ACAP2: variants seen among roughly 807,000 people sequenced by gnomAD.
ACAP2 encodes the protein arf-GAP with coiled-coil, ANK repeat and PH domain-containing protein 2.
Under a neutral mutation model 115.8 loss-of-function variants are expected in ACAP2, and 39 were observed. The ratio of observed to expected loss-of-function variants is 0.34; its 90% CI spans 0.26 to 0.44. ACAP2 has a LOEUF of 0.44. Ranked by LOEUF, ACAP2 falls within the 20% of genes least tolerant of loss-of-function variation. The probability of loss-of-function intolerance (pLI) is 1.00; values close to 1 mark genes in which losing one functional copy is unlikely to be tolerated. For missense variants in ACAP2, 662 were observed against 927.6 expected, an observed-to-expected ratio of 0.71 and a Z score of 3.72; for synonymous variants, 289 against 315.8, an observed-to-expected ratio of 0.92 and a Z score of 0.90.
At chr3:195,377,149 T>TTTTTTTTTTTTTTG (rs1733607428) in intron 4 of ACAP2, among the ~76,000 whole-genome samples, 1 of 141,814 alleles carries the variant, frequency 7.1e-6, no homozygotes, top group Non-Finnish European at 1.5e-5. Flanking sequence ...TTTTTTTTTT[T>TTTTTTTTTTTTTTG]TTTTTTTTTT....
chr3:195,399,947 G>A (rs1451532522), intron 1 of ACAP2, among the ~76,000 whole-genome samples: 1 of 152,174 alleles, frequency 6.6e-6, no homozygotes, highest in Non-Finnish European at 1.5e-5. Context: ...GGGAGGCCGA[G>A]GTGGGAGGAT....
intron 22 of ACAP2, chr3:195,280,940 G>A (rs1726460567): frequency 6.6e-6 from 1 of 152,154 alleles, no homozygotes; most frequent in African/African-American, 2.4e-5. Flanking sequence ...CACACTCATT[G>A]CTACAGATGT....
At position 195,320,689 on chromosome 3, in the gene ACAP2, G is replaced by C; in HGVS notation, c.857+12C>G. The C allele has an allele frequency of 6.3e-7, 1 of 1,588,104 alleles. No homozygotes were observed. Among genetic ancestry groups the C allele is most frequent in the Non-Finnish European group, 8.6e-7 (1 of 1,156,818 alleles). ...TATGTATAGATCAAGACTAGTATTT[G>C]AAATATATTACCTGTTCCAAGTTTT... On this transcript the variant is annotated intron_variant, in intron 10 of 22. Coordinates refer to ENST00000326793, the MANE Select transcript of ACAP2 (RefSeq NM_012287.6).
At chr3:195,352,241 T>A (rs74361334) in intron 4 of ACAP2, among the ~76,000 whole-genome samples, 2 of 152,288 alleles carry the variant, frequency 1.3e-5, no homozygotes, top group South Asian at 2.1e-4. Context: ...AGCAATAGAC[T>A]ACACCACGTA....
chr3:195,396,743 C>T (rs1388585860), intron 1 of ACAP2, among the ~76,000 whole-genome samples: 3 of 123,440 alleles, frequency 2.4e-5, no homozygotes, highest in South Asian at 2.8e-4. Flanking sequence ...GCCAAGATTG[C>T]ATCACTGCAC....
At chr3:195,406,381 T>C (rs1170931806) in intron 1 of ACAP2, among the ~76,000 whole-genome samples, 1 of 152,240 alleles carries the variant, frequency 6.6e-6, no homozygotes, top group African/African-American at 2.4e-5. Context: ...TATCACTAGA[T>C]ATAATCCACT....
chr3:195,367,145 T>C (rs1242154859), intron 4 of ACAP2, among the ~76,000 whole-genome samples: 2 of 151,776 alleles, frequency 1.3e-5, no homozygotes, highest in Non-Finnish European at 2.9e-5. Context: ...TTTCAAATGT[T>C]AGAATACATC....
In ACAP2 at chr3:195,287,132, G is replaced by T. The variant is rs184743751; in HGVS notation, c.2175-1275C>A. On this transcript the variant is annotated intron_variant, in intron 21 of 22. Coordinates refer to ENST00000326793, the MANE Select transcript of ACAP2 (RefSeq NM_012287.6). ...ATGGACCTATTTCTTCTCCAATGAG[G>T]GGGGATAAGCAATTATGGGCTTCAT... Among the ~76,000 whole-genome samples the T allele has an allele frequency of 2.5e-4, 38 of 152,302 alleles. No homozygotes were observed. The East Asian group carries it at 6.4e-3, about 26-fold the overall frequency.
chr3:195,429,895 G>A (rs1714977832), intron 1 of ACAP2, among the ~76,000 whole-genome samples: 1 of 152,160 alleles, frequency 6.6e-6, no homozygotes, highest in Admixed American at 6.5e-5. Flanking sequence ...ACAAGGGAGA[G>A]TAAGTATAAC....
At chr3:195,293,108 G>A (rs1000912353) in intron 18 of ACAP2, among the ~76,000 whole-genome samples, 3 of 152,026 alleles carry the variant, frequency 2.0e-5, no homozygotes, top group Admixed American at 6.5e-5. Flanking sequence ...GATATGCCAG[G>A]CCTTTCTGTT....
intron 4 of ACAP2, among the ~76,000 whole-genome samples, chr3:195,360,293 T>G (rs748644140): frequency 3.3e-5 from 5 of 152,128 alleles, no homozygotes; most frequent in Non-Finnish European, 7.4e-5. Context: ...GTCATTATAA[T>G]GATAAAGGGT....
At chr3:195,315,865 A>G (rs1729055440) in intron 10 of ACAP2, among the ~76,000 whole-genome samples, 1 of 152,214 alleles carries the variant, frequency 6.6e-6, no homozygotes, top group African/African-American at 2.4e-5. Flanking sequence ...TGCCAATGTA[A>G]TTCAGAAAAT....
chr3:195,328,420 C>CA (rs977154017), intron 8 of ACAP2, among the ~76,000 whole-genome samples: 3 of 149,890 alleles, frequency 2.0e-5, no homozygotes, highest in Admixed American at 2.0e-4. Flanking sequence ...AAAGATTAAC[C>CA]AAAAAAAAAT....
intron 15 of ACAP2, among the ~76,000 whole-genome samples, chr3:195,299,348 T>C (rs934431061): frequency 2.0e-5 from 3 of 150,760 alleles, no homozygotes; most frequent in Non-Finnish European, 4.4e-5. Context: ...GGCAGGCAGA[T>C]CACTTGAGGC....
At chr3:195,348,145 G>A (rs1253345770) in intron 4 of ACAP2, among the ~76,000 whole-genome samples, 6 of 151,612 alleles carry the variant, frequency 4.0e-5, no homozygotes, top group Non-Finnish European at 7.4e-5. Context: ...TAATATTGAG[G>A]CATGGATAGA....
At chr3:195,350,248 G>A (rs1365060847) in intron 4 of ACAP2, among the ~76,000 whole-genome samples, 1 of 152,088 alleles carries the variant, frequency 6.6e-6, no homozygotes, top group Non-Finnish European at 1.5e-5. Flanking sequence ...AAAACATAAA[G>A]GACCTAGAAT....
rs776440650 is a variant in ACAP2, at chr3:195,381,052, G to T, written c.242C>A (p.Thr81Asn). ...TTCTTGAAGACTGTCAGAAAACTTG[G>T]TCAAACTTGTCTATGAGAAAAAAAG... ...SNDAVVETSL[T>N]KFSDSLQEMI... The change falls in exon 4 of 23, where the codon ACC becomes AAC. Residue 81 changes from threonine to asparagine, a missense_variant. Transcript: ENST00000326793. The T allele has an allele frequency of 6.2e-7, 1 of 1,600,056 alleles. No homozygotes were observed.
At chr3:195,373,265 T>C (rs1044774528) in intron 4 of ACAP2, among the ~76,000 whole-genome samples, 1 of 152,080 alleles carries the variant, frequency 6.6e-6, no homozygotes, top group Non-Finnish European at 1.5e-5. Flanking sequence ...AAAACTCTGA[T>C]GATCTAGTAA....
chr3:195,408,216 C>T (rs764783653), intron 1 of ACAP2, among the ~76,000 whole-genome samples: 1 of 152,176 alleles, frequency 6.6e-6, no homozygotes, highest in Non-Finnish European at 1.5e-5. Context: ...AATCCCAGCA[C>T]TTTGGGAGCC....
Sources: allele counts gnomAD v4.1 joint callset (sites outside exome capture counted in the v4.1 genomes callset), GRCh38; gene constraint gnomAD v4.1.1; transcripts MANE v1.5; gene names NCBI Gene and HGNC (gene_info 2026-07-23, HGNC 2026-07-21).